CPLX2: variants seen among roughly 807,000 people sequenced by gnomAD.
CPLX2 encodes the protein complexin-2.
A neutral mutation model predicts 16.3 loss-of-function variants in CPLX2; 5 were observed. The observed-to-expected ratio is 0.31, with a 90% CI of 0.16 to 0.64. The LOEUF (loss-of-function observed/expected upper bound fraction) is 0.64, where lower values mean the gene tolerates loss of function less well. Ranked by LOEUF, CPLX2 falls within the 30% of genes least tolerant of loss-of-function variation. The pLI is 0.79. For synonymous variants in CPLX2, 89 were observed against 73.2 expected, an observed-to-expected ratio of 1.22 and a Z score of -1.10; for missense variants, 144 against 181.4, an observed-to-expected ratio of 0.79 and a Z score of 1.18.
rs900234500 is a variant in CPLX2 at position 175,881,632 on chromosome 5, G to A, written c.*1587G>A. ...GTGTGCGTGGGGAGAAAGAACGTGG[G>A]TAAGATGTCCCTTCCCAGCCCTGAG... On this transcript the variant is annotated 3_prime_UTR_variant, in exon 4 of 4. Transcript: ENST00000393745. The A allele has an allele frequency of 6.1e-4, 93 of 152,784 alleles. 2 individuals are homozygous for A. The highest frequency in any genetic ancestry group is 2.1e-3 in the African/African-American group (86 of 41,440). The allele number at this position is 152,784 out of a possible 1,614,324, so 9.5% of individuals were successfully genotyped here.
chr5:175,847,460 G>A lies in CPLX2; in HGVS notation c.-88-31192G>A, dbSNP rs1268171668. Among the ~76,000 whole-genome samples, 6 of 152,266 alleles carry A rather than the reference G, an allele frequency of 3.9e-5. No homozygotes were observed. The East Asian group carries it at 7.7e-4, about 20-fold the overall frequency. On this transcript the variant is annotated intron_variant, in intron 2 of 4. Coordinates refer to the CPLX2 transcript ENST00000359546. ...TCCTAGTCCATCACGACGTGCCTTC[G>A]CTCACAGCATGCGTGGCCCACTCAG...
chr5:175,832,245 G>A (rs1262870633), intron 2 of CPLX2, among the ~76,000 whole-genome samples: 6 of 152,188 alleles, frequency 3.9e-5, no homozygotes, highest in African/African-American at 1.2e-4. Flanking sequence ...GCCTGGCCCT[G>A]TGCTCAGTGC....
chr5:175,843,635 T>C (rs1758987805), intron 2 of CPLX2, among the ~76,000 whole-genome samples: 1 of 152,172 alleles, frequency 6.6e-6, no homozygotes, highest in South Asian at 2.1e-4. Flanking sequence ...TGAGAAAGCC[T>C]TGGGTCGGGG....
At chr5:175,822,520 G>A (rs1466930489) in intron 2 of CPLX2, among the ~76,000 whole-genome samples, 2 of 152,200 alleles carry the variant, frequency 1.3e-5, no homozygotes, top group Non-Finnish European at 2.9e-5. Flanking sequence ...AGACTTAAGT[G>A]ACAGAAACCC....
chr5:175,863,280 A>G (rs1256187825), intron 2 of CPLX2, among the ~76,000 whole-genome samples: 1 of 152,192 alleles, frequency 6.6e-6, no homozygotes, highest in Non-Finnish European at 1.5e-5. Flanking sequence ...TAGCAAGATC[A>G]CCCAAACTCT....
intron 1 of CPLX2, among the ~76,000 whole-genome samples, chr5:175,873,767 C>A (rs549973051): frequency 6.6e-6 from 1 of 152,310 alleles, no homozygotes; most frequent in East Asian, 1.9e-4. Context: ...ATTTGCATCA[C>A]CTCATTCAAT....
In CPLX2 at chr5:175,880,336, C is replaced by T. The variant is rs1755555730; in HGVS notation, c.*291C>T. 2.1e-6 allele frequency: 1 copy of T among 466,710 alleles called. No homozygotes were observed. The highest frequency in any genetic ancestry group is 4.0e-6 in the Non-Finnish European group (1 of 251,744). The allele number at this position is 466,710 out of a possible 1,614,324, so 28.9% of individuals were successfully genotyped here. A position where few individuals can be genotyped will look rare whatever the true frequency, so the allele number is the denominator to read the frequency against. On this transcript the variant is annotated 3_prime_UTR_variant, in exon 4 of 4. Coordinates refer to ENST00000393745, the MANE Select transcript of CPLX2 (RefSeq NM_001008220.2). ...TAAGGTCGTGCTAGTGTGGTGACCC[C>T]CATACATTCCTCCCTGCTCCCCACT...
chr5:175,853,109 C>G (rs530955512), intron 2 of CPLX2, among the ~76,000 whole-genome samples: 1 of 152,228 alleles, frequency 6.6e-6, no homozygotes, highest in Non-Finnish European at 1.5e-5. Context: ...CTGTTAATAA[C>G]AAGTGATACT....
At chr5:175,865,674 CAG>C (rs1759461519) in intron 2 of CPLX2, among the ~76,000 whole-genome samples, 2 of 152,136 alleles carry the variant, frequency 1.3e-5, no homozygotes, top group Non-Finnish European at 2.9e-5. Flanking sequence ...CTCCACGATC[CAG>C]TTTTTCTGTA....
chr5:175,807,833 G>T (rs1391134072), intron 1 of CPLX2, among the ~76,000 whole-genome samples: 2 of 152,212 alleles, frequency 1.3e-5, no homozygotes, highest in Non-Finnish European at 2.9e-5. Context: ...GGGGGTCTGA[G>T]GATTGTGTTA....
chr5:175,879,204 T>A, intron 3 of CPLX2, 121 bp downstream of exon 3: 1 of 1,054,766 alleles, frequency 9.5e-7, no homozygotes, highest in Non-Finnish European at 1.3e-6. Context: ...GTTCTGAGCC[T>A]CACTCTTCTC....
At chr5:175,801,608 G>A (rs377279761) in intron 1 of CPLX2, among the ~76,000 whole-genome samples, 1 of 152,284 alleles carries the variant, frequency 6.6e-6, no homozygotes, top group Non-Finnish European at 1.5e-5. Context: ...TGTGTGACTC[G>A]ATGTCCTCAT....
At chr5:175,871,492 AT>A (rs1759617900), upstream of CPLX2, 1 of 145,788 alleles carries the variant, frequency 6.9e-6, no homozygotes, top group Non-Finnish European at 1.5e-5. Context: ...AGAGATTTGA[AT>A]TTCCCATCTG....
chr5:175,804,109 T>G (rs923971037), intron 1 of CPLX2, among the ~76,000 whole-genome samples: 1 of 152,150 alleles, frequency 6.6e-6, no homozygotes, highest in Non-Finnish European at 1.5e-5. Context: ...AAAAAAACCG[T>G]GATGAATAAA....
At chr5:175,839,582 G>A (rs938770146) in intron 2 of CPLX2, among the ~76,000 whole-genome samples, 7 of 152,148 alleles carry the variant, frequency 4.6e-5, no homozygotes, top group Non-Finnish European at 5.9e-5. Context: ...CACCTCATCC[G>A]GCCTCAACCT....
chr5:175,800,995 T>G (rs573392466), intron 1 of CPLX2, among the ~76,000 whole-genome samples: 1 of 151,804 alleles, frequency 6.6e-6, no homozygotes, highest in Admixed American at 6.6e-5. Context: ...CTGGACTGCA[T>G]GGGGACAGAT....
chr5:175,877,110 G>T (rs997193499), intron 1 of CPLX2, among the ~76,000 whole-genome samples: 2 of 152,072 alleles, frequency 1.3e-5, no homozygotes, highest in Non-Finnish European at 2.9e-5. Flanking sequence ...CCCCCATTTT[G>T]CAGGGAGCAA....
chr5:175,818,807 A>G (rs906497271), intron 2 of CPLX2, among the ~76,000 whole-genome samples: 2 of 151,768 alleles, frequency 1.3e-5, no homozygotes, highest in African/African-American at 4.8e-5. Context: ...GACTACAGGC[A>G]TGCGCCACTA....
chr5:175,871,421 G>GAGAGAGAGAGAGAGAA (rs1759595706), upstream of CPLX2: 2 of 114,942 alleles, frequency 1.7e-5, no homozygotes, highest in African/African-American at 6.8e-5. Context: ...GAGAGAGAGA[G>GAGAGAGAGAGAGAGAA]AGAGAGAGAG....
Sources: gnomAD v4.1 joint callset for allele counts (sites outside exome capture counted in the v4.1 genomes callset) on GRCh38, gnomAD v4.1.1 for gene constraint, MANE v1.5 for transcripts, NCBI Gene and HGNC (gene_info 2026-07-23, HGNC 2026-07-21) for gene names.